Variants in ANKRD55 observed in about 807,000 individuals in gnomAD.
ANKRD55 encodes the protein ankyrin repeat domain 55.
A neutral mutation model predicts 60.6 loss-of-function variants in ANKRD55; 41 were observed. The ratio of observed to expected loss-of-function variants is 0.68; its 90% CI spans 0.53 to 0.88. ANKRD55 has a LOEUF of 0.88. Among genes scored for constraint, ANKRD55 ranks in the 40% least tolerant of loss-of-function variants. The pLI is 0.00. For synonymous variants in ANKRD55, 264 were observed against 290.3 expected, an observed-to-expected ratio of 0.91 and a Z score of 0.92; for missense variants, 732 against 767.6, an observed-to-expected ratio of 0.95 and a Z score of 0.55.
chr5:56,228,963 G>A (rs1038126960), intron 2 of ANKRD55, among the ~76,000 whole-genome samples: 11 of 152,062 alleles, frequency 7.2e-5, no homozygotes, highest in African/African-American at 2.7e-4. Flanking sequence ...CAAACACACC[G>A]CTCAGCCTCG....
At chr5:56,208,376 C>T (rs911528717) in intron 2 of ANKRD55, among the ~76,000 whole-genome samples, 2 of 151,618 alleles carry the variant, frequency 1.3e-5, no homozygotes, top group South Asian at 2.1e-4. Context: ...AAAGTATTAA[C>T]GTACTGTACA....
At chr5:56,214,711 C>G (rs1183610955) in intron 2 of ANKRD55, among the ~76,000 whole-genome samples, 1 of 152,146 alleles carries the variant, frequency 6.6e-6, no homozygotes, top group Non-Finnish European at 1.5e-5. Flanking sequence ...TATATATTCA[C>G]TAAGATTCCT....
Position 56,207,880 on chromosome 5 carries a change from A to G in ANKRD55, c.59-24246T>C, listed in dbSNP as rs180932129. ...ATAAACAAATGTTTTCTTCTATAAT[A>G]AATTAATCTTAGCTTACTATAACAT... On this transcript the variant is annotated intron_variant, in intron 2 of 11. Transcript: ENST00000341048. 1.5e-4 allele frequency among the ~76,000 whole-genome samples: 23 copies of G among 152,326 alleles called. No homozygotes were observed. In the East Asian group the frequency reaches 4.4e-3, roughly 29 times the overall value.
At chr5:56,116,891 T>C (rs1756902966) in intron 8 of ANKRD55, 109 bp from the exon 9 acceptor site, 1 of 1,191,558 alleles carries the variant, frequency 8.4e-7, no homozygotes, top group African/African-American at 1.6e-5. Context: ...GGGAAAATCT[T>C]GTTGCCATTT....
At chr5:56,215,685 C>A (rs975899186) in intron 2 of ANKRD55, among the ~76,000 whole-genome samples, 1 of 152,160 alleles carries the variant, frequency 6.6e-6, no homozygotes, top group Non-Finnish European at 1.5e-5. Flanking sequence ...AACATGACAG[C>A]CTTGTCCTTT....
intron 7 of ANKRD55, among the ~76,000 whole-genome samples, chr5:56,128,575 T>C (rs1399981633): frequency 6.6e-6 from 1 of 152,210 alleles, no homozygotes; most frequent in Non-Finnish European, 1.5e-5. Flanking sequence ...GAATCTCACT[T>C]ATAGCACCAT....
chr5:56,198,696 G>C (rs1448090703), intron 2 of ANKRD55, among the ~76,000 whole-genome samples: 1 of 152,058 alleles, frequency 6.6e-6, no homozygotes, highest in Non-Finnish European at 1.5e-5. Context: ...TTTATAGTAG[G>C]CCTGACAGAA....
chr5:56,162,722 T>A (rs972934268), intron 5 of ANKRD55, among the ~76,000 whole-genome samples: 1 of 150,500 alleles, frequency 6.6e-6, no homozygotes, highest in Non-Finnish European at 1.5e-5. Context: ...CAGGCTGGAG[T>A]GCAGTGGCAC....
intron 6 of ANKRD55, among the ~76,000 whole-genome samples, chr5:56,159,585 G>A (rs766367593): frequency 1.3e-5 from 2 of 152,154 alleles, no homozygotes; most frequent in Non-Finnish European, 2.9e-5. Context: ...AATTTCAGTC[G>A]TATGATAAAT....
At chr5:56,127,235 A>C in intron 7 of ANKRD55, 129 bp from the exon 8 acceptor site, 1 of 1,306,974 alleles carries the variant, frequency 7.7e-7, no homozygotes, top group Non-Finnish European at 9.7e-7. Flanking sequence ...GAAAAGAGAA[A>C]AGGAAATGGA....
In ANKRD55 at chr5:56,166,151, TTTC is replaced by T. The variant is rs1189939831; in HGVS notation, c.422+4540_422+4542del. On this transcript the variant is annotated intron_variant, in intron 5 of 11. Transcript: ENST00000341048. ...CTTTCTTTCTTTCTTTCTTTCTTTC[TTTC>T]TTCTTTCCTTCCTTCCTTCCTTCCT... is the stretch of plus-strand genomic sequence containing the variant. 4.8e-3 allele frequency among the ~76,000 whole-genome samples: 476 copies of T among 98,644 alleles called. 21 individuals are homozygous for T. Among genetic ancestry groups the T allele is most frequent in the African/African-American group, 0.021 (353 of 16,972 alleles). 64.7% of individuals were successfully genotyped at this position (98,644 alleles called of 152,430 possible). A position where few individuals can be genotyped will look rare whatever the true frequency, so the allele number is the denominator to read the frequency against.
chr5:56,130,187 A>G (rs1249285289), intron 7 of ANKRD55, among the ~76,000 whole-genome samples: 2 of 152,116 alleles, frequency 1.3e-5, no homozygotes, highest in African/African-American at 4.8e-5. Flanking sequence ...GGGAAAAGGT[A>G]CCTTTTTTTA....
At chr5:56,210,486 C>T (rs1759639641) in intron 2 of ANKRD55, among the ~76,000 whole-genome samples, 2 of 142,956 alleles carry the variant, frequency 1.4e-5, no homozygotes, top group African/African-American at 2.6e-5. Flanking sequence ...GGCGTGAACC[C>T]GGGAGGCGGA....
chr5:56,209,060 C>G (rs150714022), intron 2 of ANKRD55, among the ~76,000 whole-genome samples: 2 of 151,876 alleles, frequency 1.3e-5, no homozygotes, highest in Admixed American at 1.3e-4. Flanking sequence ...TGGGTTCAAG[C>G]GATTCTCCTG....
At chr5:56,224,665 CA>C (rs1171708058) in intron 2 of ANKRD55, among the ~76,000 whole-genome samples, 1 of 152,062 alleles carries the variant, frequency 6.6e-6, no homozygotes, top group Non-Finnish European at 1.5e-5. Flanking sequence ...CCACTGATCC[CA>C]CAGAGATACA....
chr5:56,107,442 C>CT (rs1031496993), intron 10 of ANKRD55, among the ~76,000 whole-genome samples: 5 of 152,090 alleles, frequency 3.3e-5, no homozygotes, highest in African/African-American at 1.2e-4. Context: ...TATTGAATTT[C>CT]TTTTTATTTC....
At chr5:56,116,316 C>T (rs1756885688) in intron 9 of ANKRD55, among the ~76,000 whole-genome samples, 1 of 151,514 alleles carries the variant, frequency 6.6e-6, no homozygotes, top group African/African-American at 2.4e-5. Context: ...GAGGATTTGC[C>T]AAAAAGGGAA....
At chr5:56,214,039 C>T (rs1351902017) in intron 2 of ANKRD55, among the ~76,000 whole-genome samples, 1 of 152,230 alleles carries the variant, frequency 6.6e-6, no homozygotes, top group East Asian at 1.9e-4. Context: ...TACATGGTGG[C>T]AGGCAAGAGA....
chr5:56,117,969 A>T (rs1756928550), intron 8 of ANKRD55, among the ~76,000 whole-genome samples: 2 of 152,018 alleles, frequency 1.3e-5, no homozygotes, highest in Non-Finnish European at 2.9e-5. Flanking sequence ...AAGGCAAAAC[A>T]CTGTCTCCAT....
Sources: gnomAD v4.1 joint callset for allele counts (sites outside exome capture counted in the v4.1 genomes callset) on GRCh38, gnomAD v4.1.1 for gene constraint, MANE v1.5 for transcripts, NCBI Gene and HGNC (gene_info 2026-07-23, HGNC 2026-07-21) for gene names.